The following THSD4 variants were observed in gnomAD, a reference collection of about 807,000 sequenced individuals.
The protein encoded by THSD4 is thrombospondin type 1 domain containing 4.
In THSD4, 69 loss-of-function variants were observed where a neutral mutation model predicts 119.0. The ratio of observed to expected loss-of-function variants is 0.58; its 90% confidence interval spans 0.48 to 0.71. THSD4 has a LOEUF of 0.71. Among genes scored for constraint, THSD4 ranks in the 30% least tolerant of loss-of-function variants. The probability of loss-of-function intolerance (pLI) is 0.00; values close to 1 mark genes in which losing one functional copy is unlikely to be tolerated. For synonymous variants in THSD4, 524 were observed against 540.4 expected, an observed-to-expected ratio of 0.97 and a Z score of 0.42; for missense variants, 1,393 against 1,391.1, an observed-to-expected ratio of 1.00 and a Z score of -0.02.
chr15:71,715,541 AT>A (rs149946658), intron 8 of THSD4, among the ~76,000 whole-genome samples: 4 of 151,736 alleles, frequency 2.6e-5, no homozygotes, highest in East Asian at 1.9e-4. Context: ...GTGTGTTTAT[AT>A]TTTTTTTAAT....
At position 71,742,104 on chromosome 15, in the gene THSD4, A is replaced by G. The variant is rs535052672; in HGVS notation, c.1907-3002A>G. Among the ~76,000 whole-genome samples the G allele has an allele frequency of 1.1e-4, 16 of 152,372 alleles. No homozygotes were observed. The South Asian group carries it at 3.3e-3, about 32-fold the overall frequency. On this transcript the variant is annotated intron_variant, in intron 11 of 17. Transcript: ENST00000261862. ...GTCCAAGTCACTTATGCACAGAATAAGTCTGTTCCCCTTGTGATCCCATTG... is the reference window on the plus strand; with the variant it reads ...GTCCAAGTCACTTATGCACAGAATAGGTCTGTTCCCCTTGTGATCCCATTG...
intron 6 of THSD4, among the ~76,000 whole-genome samples, chr15:71,305,227 A>G (rs1429417467): frequency 2.0e-5 from 3 of 152,222 alleles, no homozygotes; most frequent in Admixed American, 1.3e-4. Flanking sequence ...CCAACACATC[A>G]AAGTACCAAT....
intron 8 of THSD4, among the ~76,000 whole-genome samples, chr15:71,715,380 C>A (rs1252686363): frequency 6.6e-6 from 1 of 152,186 alleles, no homozygotes; most frequent in Non-Finnish European, 1.5e-5. Flanking sequence ...ATTCCCCTCA[C>A]AATCCTGCAT....
At chr15:71,328,191 A>G (rs1567197094) in intron 6 of THSD4, among the ~76,000 whole-genome samples, 1 of 151,780 alleles carries the variant, frequency 6.6e-6, no homozygotes. Context: ...TTGTTCCTCT[A>G]TTTCTTTTTC....
intron 1 of THSD4, among the ~76,000 whole-genome samples, chr15:71,131,421 G>A (rs1326613164): frequency 2.0e-5 from 3 of 151,590 alleles, no homozygotes; most frequent in South Asian, 2.1e-4. Flanking sequence ...AAACATGGCC[G>A]GGCACGGGTG....
At chr15:71,279,138 G>A (rs936381991) in intron 6 of THSD4, among the ~76,000 whole-genome samples, 2 of 152,192 alleles carry the variant, frequency 1.3e-5, no homozygotes, top group Non-Finnish European at 2.9e-5. Flanking sequence ...CATCAGGAAA[G>A]GGAGAAAATG....
chr15:71,576,299 T>A (rs1227831077), intron 7 of THSD4, among the ~76,000 whole-genome samples: 1 of 152,204 alleles, frequency 6.6e-6, no homozygotes, highest in African/African-American at 2.4e-5. Flanking sequence ...AAATACTACC[T>A]GTTAGCATTT....
chr15:71,639,348 T>A (rs973924025), intron 7 of THSD4, among the ~76,000 whole-genome samples: 2 of 152,190 alleles, frequency 1.3e-5, no homozygotes, highest in Admixed American at 6.5e-5. Context: ...GGAATGACAT[T>A]CACTTAAGCT....
At chr15:71,617,988 C>T (rs1199322348) in intron 7 of THSD4, among the ~76,000 whole-genome samples, 5 of 152,208 alleles carry the variant, frequency 3.3e-5, no homozygotes, top group African/African-American at 1.2e-4. Flanking sequence ...TGTCCAAAGA[C>T]TCCAAACAAT....
intron 7 of THSD4, among the ~76,000 whole-genome samples, chr15:71,644,164 G>T (rs1185590808): frequency 6.6e-6 from 1 of 152,074 alleles, no homozygotes. Context: ...CTAACACCAG[G>T]GTCTAACTGA....
intron 7 of THSD4, among the ~76,000 whole-genome samples, chr15:71,527,457 C>T (rs935515708): frequency 1.3e-5 from 2 of 152,088 alleles, no homozygotes; most frequent in Non-Finnish European, 2.9e-5. Context: ...AACTTCCCAA[C>T]ACTTTCTTTT....
At chr15:71,338,834 G>A (rs1441356) in intron 6 of THSD4, among the ~76,000 whole-genome samples, 52,999 of 151,940 alleles carry the variant, frequency 0.35, 9,514 homozygotes, top group South Asian at 0.45. Flanking sequence ...ATGAAAGACT[G>A]AAATCTCCAG....
chr15:71,329,005 T>C (rs189223650), intron 6 of THSD4, among the ~76,000 whole-genome samples: 18 of 152,340 alleles, frequency 1.2e-4, no homozygotes, highest in African/African-American at 4.3e-4. Context: ...GATCAAGATT[T>C]TTTTCCTAAA....
chr15:71,128,495 C>T (rs1336521618), intron 1 of THSD4, among the ~76,000 whole-genome samples: 1 of 149,054 alleles, frequency 6.7e-6, no homozygotes, highest in African/African-American at 2.5e-5. Flanking sequence ...CCACTGCACT[C>T]CAGCCTGGGT....
chr15:71,478,749 G>A (rs770712435), intron 7 of THSD4, among the ~76,000 whole-genome samples: 13 of 152,206 alleles, frequency 8.5e-5, no homozygotes, highest in South Asian at 2.1e-4. Context: ...TTCTGATAAA[G>A]GGAAGACTCT....
chr15:71,325,095 G>A (rs2045321805), intron 6 of THSD4, among the ~76,000 whole-genome samples: 1 of 152,122 alleles, frequency 6.6e-6, no homozygotes, highest in Non-Finnish European at 1.5e-5. Flanking sequence ...TCGGCCATTT[G>A]TATATCTTCT....
chr15:71,771,839 G>A (rs1375505920), intron 17 of THSD4, among the ~76,000 whole-genome samples: 3 of 152,232 alleles, frequency 2.0e-5, no homozygotes, highest in Non-Finnish European at 4.4e-5. Context: ...GCATTGGAGA[G>A]TGTTAGGGAG....
intron 7 of THSD4, among the ~76,000 whole-genome samples, chr15:71,524,582 T>C (rs1013917554): frequency 1.4e-5 from 2 of 141,262 alleles, no homozygotes; most frequent in Non-Finnish European, 3.0e-5. Flanking sequence ...TCTTGGTTTA[T>C]GCCTCTTTTT....
intron 2 of THSD4, among the ~76,000 whole-genome samples, chr15:71,147,418 C>CAG (rs1477139973): frequency 6.6e-6 from 1 of 152,122 alleles, no homozygotes; most frequent in East Asian, 1.9e-4. Flanking sequence ...CCATCTTGCC[C>CAG]AGGCTGATCT....
Sources: gnomAD v4.1 joint callset for allele counts (sites outside exome capture counted in the v4.1 genomes callset) on GRCh38, gnomAD v4.1.1 for gene constraint, MANE v1.5 for transcripts, NCBI Gene and HGNC (gene_info 2026-07-23, HGNC 2026-07-21) for gene names.